Variants in FAF1 observed in about 807,000 individuals in gnomAD.
FAF1 encodes the protein FAS-associated factor 1.
Under a neutral mutation model 92.5 loss-of-function variants are expected in FAF1, and 25 were observed. The ratio of observed to expected loss-of-function variants is 0.27; its 90% CI spans 0.20 to 0.38. The LOEUF (loss-of-function observed/expected upper bound fraction) is 0.38, where lower values mean the gene tolerates loss of function less well. Ranked by LOEUF, FAF1 falls within the 10% of genes least tolerant of loss-of-function variation. The pLI, the probability that FAF1 is intolerant of heterozygous loss-of-function variation, is 1.00. For synonymous variants in FAF1, 234 were observed against 273.2 expected, an observed-to-expected ratio of 0.86 and a Z score of 1.42; for missense variants, 636 against 793.3, an observed-to-expected ratio of 0.80 and a Z score of 2.38.
At chr1:50,704,448 T>G (rs1189632028) in intron 7 of FAF1, among the ~76,000 whole-genome samples, 1 of 152,210 alleles carries the variant, frequency 6.6e-6, no homozygotes, top group East Asian at 1.9e-4. Flanking sequence ...TGAAGTTATT[T>G]TAAATCTAAA....
chr1:50,884,778 T>C (rs1644644555), intron 1 of FAF1, among the ~76,000 whole-genome samples: 1 of 152,156 alleles, frequency 6.6e-6, no homozygotes, highest in South Asian at 2.1e-4. Context: ...AGGGTAATAC[T>C]GGCCTTGTAG....
At chr1:50,917,592 AGAAAGGAAAAAG>A (rs1362278435) in intron 1 of FAF1, among the ~76,000 whole-genome samples, 19 of 144,496 alleles carry the variant, frequency 1.3e-4, no homozygotes, top group Admixed American at 5.6e-4. Context: ...GGAAAGGAAA[AGAAAGGAAAAAG>A]GAAAGGAAAA....
At chr1:50,795,117 C>T (rs1661700886) in intron 3 of FAF1, among the ~76,000 whole-genome samples, 2 of 152,118 alleles carry the variant, frequency 1.3e-5, no homozygotes, top group Non-Finnish European at 2.9e-5. Flanking sequence ...AGCATGGACA[C>T]CACAACATGG....
intron 4 of FAF1, among the ~76,000 whole-genome samples, chr1:50,750,168 A>G (rs1215499179): frequency 6.6e-6 from 1 of 152,160 alleles, no homozygotes; most frequent in Non-Finnish European, 1.5e-5. Context: ...TTACCACAAG[A>G]TGGCACTGCC....
intron 7 of FAF1, among the ~76,000 whole-genome samples, chr1:50,679,068 CAG>C (rs1194647181): frequency 1.3e-5 from 2 of 152,182 alleles, no homozygotes; most frequent in Non-Finnish European, 2.9e-5. Context: ...GCCTGGGTGA[CAG>C]AGCGAGACTC....
chr1:50,620,595 T>G (rs776772981), intron 8 of FAF1, among the ~76,000 whole-genome samples: 1 of 152,232 alleles, frequency 6.6e-6, no homozygotes, highest in Non-Finnish European at 1.5e-5. Context: ...GTTGGGAAAC[T>G]AGTGGACTTG....
At chr1:50,498,948 T>A (rs1016062169) in intron 15 of FAF1, among the ~76,000 whole-genome samples, 1 of 152,134 alleles carries the variant, frequency 6.6e-6, no homozygotes, top group East Asian at 1.9e-4. Flanking sequence ...GTAGCATTAT[T>A]TACAATAGCC....
chr1:50,501,177 G>A (rs1482094580), intron 15 of FAF1, among the ~76,000 whole-genome samples: 1 of 152,026 alleles, frequency 6.6e-6, no homozygotes, highest in Non-Finnish European at 1.5e-5. Flanking sequence ...AACACATAAA[G>A]AACTTTCAAA....
chr1:50,573,218 C>G (rs1038664677), intron 12 of FAF1, among the ~76,000 whole-genome samples: 2 of 151,900 alleles, frequency 1.3e-5, no homozygotes, highest in Non-Finnish European at 2.9e-5. Context: ...CCTGCCTCAG[C>G]CTCCTGAGTA....
intron 4 of FAF1, among the ~76,000 whole-genome samples, chr1:50,782,252 C>T (rs1661205358): frequency 6.6e-6 from 1 of 151,902 alleles, no homozygotes; most frequent in Non-Finnish European, 1.5e-5. Context: ...GGTATCATTA[C>T]CCATAGCAGA....
At chr1:50,627,160 T>C (rs1331630530) in intron 8 of FAF1, among the ~76,000 whole-genome samples, 1 of 152,154 alleles carries the variant, frequency 6.6e-6, no homozygotes, top group African/African-American at 2.4e-5. Context: ...TATAAATTTG[T>C]TAACAATCTC....
chr1:50,756,489 G>A (rs114191600), intron 4 of FAF1, among the ~76,000 whole-genome samples: 4,678 of 152,234 alleles, frequency 0.031, 251 homozygotes, highest in African/African-American at 0.11. Context: ...GCATTTTTCT[G>A]TCTTCTTCAT....
chr1:50,591,135 A>G (rs1270453131), intron 9 of FAF1, among the ~76,000 whole-genome samples: 1 of 152,160 alleles, frequency 6.6e-6, no homozygotes, highest in Non-Finnish European at 1.5e-5. Context: ...TTCTATTTCT[A>G]GTTTTACCAT....
chr1:50,492,576 T>A (rs1646852325), intron 15 of FAF1, among the ~76,000 whole-genome samples: 1 of 152,224 alleles, frequency 6.6e-6, no homozygotes, highest in Admixed American at 6.5e-5. Context: ...CCAATATACA[T>A]ATACTTAGCT....
rs992257096 is a variant in FAF1 at position 50,471,422 on chromosome 1, G to A, written c.1869+4042C>T. On this transcript the variant is annotated intron_variant, in intron 18 of 18. Transcript: ENST00000396153. ...AAAACTTTACTGAAGGTCTACTCTA[G>A]GAAAACCATGCTGGAGCTTGATTAT... 2.6e-5 allele frequency among the ~76,000 whole-genome samples: 4 copies of A among 152,222 alleles called. No homozygotes were observed. In the South Asian group the frequency reaches 8.3e-4, roughly 32 times the overall value.
At chr1:50,707,804 A>G (rs1657748600) in intron 6 of FAF1, among the ~76,000 whole-genome samples, 1 of 152,214 alleles carries the variant, frequency 6.6e-6, no homozygotes, top group Admixed American at 6.5e-5. Flanking sequence ...TGAATGGTGA[A>G]TTTCTAGAAG....
chr1:50,927,488 T>G (rs530312227), intron 1 of FAF1, among the ~76,000 whole-genome samples: 14 of 152,140 alleles, frequency 9.2e-5, no homozygotes, highest in African/African-American at 3.4e-4. Context: ...AGGCTGAGGT[T>G]GCAGTGAGCC....
intron 13 of FAF1, among the ~76,000 whole-genome samples, chr1:50,545,417 T>C (rs1648962362): frequency 6.6e-6 from 1 of 151,932 alleles, no homozygotes; most frequent in South Asian, 2.1e-4. Context: ...TATAGGTATG[T>C]GCCACCATGC....
chr1:50,682,703 C>T (rs951124131), intron 7 of FAF1, among the ~76,000 whole-genome samples: 1 of 152,090 alleles, frequency 6.6e-6, no homozygotes, highest in Admixed American at 6.6e-5. Context: ...AAAGTAACTT[C>T]AGGTACTATA....
Sources: gnomAD v4.1 joint callset for allele counts (sites outside exome capture counted in the v4.1 genomes callset) on GRCh38, gnomAD v4.1.1 for gene constraint, MANE v1.5 for transcripts, NCBI Gene and HGNC (gene_info 2026-07-23, HGNC 2026-07-21) for gene names.